IL1RL1: variants seen among roughly 807,000 people sequenced by gnomAD.
The protein encoded by IL1RL1 is interleukin-1 receptor-like 1.
In IL1RL1, 32 loss-of-function variants were observed where a neutral mutation model predicts 50.9. That is an observed-to-expected ratio of 0.63 (90% confidence interval 0.47 to 0.84). The LOEUF is 0.84. Among genes scored for constraint, IL1RL1 ranks in the 40% least tolerant of loss-of-function variants. The pLI, the probability that IL1RL1 is intolerant of heterozygous loss-of-function variation, is 0.00. For missense variants in IL1RL1, 773 were observed against 662.9 expected (o/e 1.17, Z -1.82); for synonymous variants, 275 against 236.0 (o/e 1.17, Z -1.51).
intron 1 of IL1RL1, among the ~76,000 whole-genome samples, chr2:102,324,897 C>G (rs1165221333): frequency 6.6e-6 from 1 of 152,216 alleles, no homozygotes; most frequent in East Asian, 1.9e-4. Flanking sequence ...AGGAGGCCTG[C>G]CTGCCTCTGT....
chr2:102,333,998 G>A (rs1013231171), intron 1 of IL1RL1, among the ~76,000 whole-genome samples: 10 of 152,160 alleles, frequency 6.6e-5, no homozygotes, highest in African/African-American at 2.4e-4. Context: ...GGACACTTGA[G>A]TTGGTTCCAT....
chr2:102,325,490 A>C (rs1426254772), intron 1 of IL1RL1, among the ~76,000 whole-genome samples: 1 of 152,168 alleles, frequency 6.6e-6, no homozygotes, highest in Non-Finnish European at 1.5e-5. Context: ...CAATGGAACA[A>C]AGCTGGATGG....
At chr2:102,342,967 A>T (rs1677627877) in intron 6 of IL1RL1, 69 bp from the exon 7 acceptor site, 10 of 1,473,162 alleles carry the variant, frequency 6.8e-6, no homozygotes, top group Admixed American at 4.0e-5. Context: ...TTTTTTTTTT[A>T]CATTAAATGG....
At chr2:102,311,755 A>G (rs1676478628) in intron 1 of IL1RL1, 132 bp downstream of exon 1, 1 of 122,256 alleles carries the variant, frequency 8.2e-6, no homozygotes, top group Middle Eastern at 3.8e-3. Context: ...TTATAATAAT[A>G]TATAATATAT....
At chr2:102,332,139 G>A (rs1677194467) in intron 1 of IL1RL1, among the ~76,000 whole-genome samples, 1 of 152,140 alleles carries the variant, frequency 6.6e-6, no homozygotes, top group Admixed American at 6.6e-5. Context: ...AGGCACATGA[G>A]CTATATCAAT....
chr2:102,314,398 G>A (rs1025581338), intron 1 of IL1RL1, among the ~76,000 whole-genome samples: 6 of 152,202 alleles, frequency 3.9e-5, no homozygotes, highest in African/African-American at 1.4e-4. Flanking sequence ...CTGGAGTTGG[G>A]TGTGTCTGAG....
rs553618200 is a variant in IL1RL1 at position 102,340,769 on chromosome 2, T to C, written c.551T>C (p.Ile184Thr). 81 of 1,591,954 alleles carry C rather than the reference T, an allele frequency of 5.1e-5. No homozygotes were observed. Among genetic ancestry groups the C allele is most frequent in the East Asian group, 1.8e-4 (8 of 43,346 alleles). ...GCAGGTGATTACACCTGTAAATTTA[T>C]ACACAATGAAAATGGAGCCAATTAT... ...EDAGDYTCKF[I>T]HNENGANYSV... Residue 184 changes from isoleucine (I) to threonine (T), a missense_variant, in exon 5 of 11, where the codon ATA becomes ACA. Transcript: ENST00000233954.
In IL1RL1 at chr2:102,349,313, T is replaced by C. The variant is rs1455498236; in HGVS notation, c.1285+67T>C. ...ATTAAAGGCTGTGAACTAGGTGGCC[T>C]TATCCCTGCATTGGATAATGAATTG... On this transcript the variant is annotated intron_variant, in intron 10 of 10. Coordinates refer to ENST00000233954, the MANE Select transcript of IL1RL1 (RefSeq NM_016232.5). 6.9e-6 allele frequency: 9 copies of C among 1,312,900 alleles called. No individual in the cohort carries two copies. In the African/African-American group the frequency reaches 1.2e-4, roughly 17 times the overall value. The allele number at this position is 1,312,900 out of a possible 1,614,324, so 81.3% of individuals were successfully genotyped here.
At chr2:102,332,602 A>T (rs976286437) in intron 1 of IL1RL1, among the ~76,000 whole-genome samples, 5 of 152,236 alleles carry the variant, frequency 3.3e-5, no homozygotes, top group Admixed American at 2.0e-4. Context: ...TTCAGAATAG[A>T]TAAACCCATA....
At chr2:102,347,836 TA>T (rs1229473064) in intron 8 of IL1RL1, 108 bp from the exon 9 acceptor site, 1 of 646,080 alleles carries the variant, frequency 1.5e-6, no homozygotes, top group Non-Finnish European at 2.7e-6. Flanking sequence ...TCCCAGTGGG[TA>T]TATCTTATGT....
At chr2:102,324,552 G>A (rs1466686648) in intron 1 of IL1RL1, among the ~76,000 whole-genome samples, 4 of 152,218 alleles carry the variant, frequency 2.6e-5, no homozygotes, top group African/African-American at 9.6e-5. Context: ...GCAGGGCGAG[G>A]CATCGCTTCA....
intron 1 of IL1RL1, among the ~76,000 whole-genome samples, chr2:102,336,123 G>T (rs1440569303): frequency 6.6e-6 from 1 of 152,164 alleles, no homozygotes; most frequent in Non-Finnish European, 1.5e-5. Context: ...AAAACGTACT[G>T]ATAACTCTCC....
At chr2:102,311,897 T>TATTATATAATATAATATATAATATAA (rs1676492513) in intron 1 of IL1RL1, among the ~76,000 whole-genome samples, 3 of 49,872 alleles carry the variant, frequency 6.0e-5, no homozygotes, top group African/African-American at 2.2e-4. Context: ...ATATAATATA[T>TATTATATAATATAATATATAATATAA]CATATATGTT....
rs1160690174 is a variant in IL1RL1, at chr2:102,340,231, A to G, written c.406A>G (p.Ile136Val). 1 of 1,605,616 alleles carries G rather than the reference A, an allele frequency of 6.2e-7. No homozygotes were observed. Among genetic ancestry groups the G allele is most frequent in the Non-Finnish European group, 8.5e-7 (1 of 1,178,076 alleles). ...EKNSKIYCPT[I>V]DLYNWTAPLE... ...AAATTCCAAAATTTATTGTCCTACC[A>G]TTGACCTCTACAACTGGACAGCACC... The change falls in exon 4 of 11, where the codon ATT (isoleucine) becomes GTT (valine). Residue 136 changes from isoleucine to valine, a missense_variant. Transcript: ENST00000233954.
chr2:102,321,297 C>G (rs979395271), intron 1 of IL1RL1, among the ~76,000 whole-genome samples: 2 of 152,158 alleles, frequency 1.3e-5, no homozygotes, highest in African/African-American at 2.4e-5. Flanking sequence ...ATGAATTCCA[C>G]AAGGGCAGGA....
chr2:102,317,808 T>C (rs1421878731), intron 1 of IL1RL1, among the ~76,000 whole-genome samples: 1 of 151,940 alleles, frequency 6.6e-6, no homozygotes, highest in African/African-American at 2.4e-5. Flanking sequence ...AGCACAGGGT[T>C]AGTTGGTCAA....
At chr2:102,342,726 G>A (rs1249587221) in intron 6 of IL1RL1, among the ~76,000 whole-genome samples, 1 of 152,164 alleles carries the variant, frequency 6.6e-6, no homozygotes, top group Non-Finnish European at 1.5e-5. Context: ...CTAGTAGAGG[G>A]CAATCCTTTT....
At position 102,340,148 on chromosome 2, in the gene IL1RL1, A is replaced by G; in HGVS notation, c.323A>G (p.Gln108Arg). 3.1e-6 allele frequency: 5 copies of G among 1,588,232 alleles called. No individual in the cohort carries two copies. Among genetic ancestry groups the G allele is most frequent in the Non-Finnish European group, 3.4e-6 (4 of 1,167,568 alleles). Residue 108 changes from glutamine (Q) to arginine (R), a missense_variant, in exon 4 of 11, where the codon CAA becomes CGA. By Grantham distance (43) the Gln-to-Arg change is conservative (BLOSUM62 1). Coordinates refer to ENST00000233954, the MANE Select transcript of IL1RL1 (RefSeq NM_016232.5). ...GYANVTIYKKQSDCNVPDYLM... is the reference protein window; with the variant it reads ...GYANVTIYKKRSDCNVPDYLM... ...GCGAATGTCACCATATATAAAAAAC[A>G]ATCAGATTGCAATGTTCCAGATTAT...
chr2:102,315,173 C>T lies in IL1RL1; in HGVS notation c.-150+3550C>T, dbSNP rs528391069. ...GTAATGGGGCCTCTGCCCTCTCAGC[C>T]CCACTGCCACCCAACTGAGGCTTCC... On this transcript the variant is annotated intron_variant, in intron 1 of 10. Transcript: ENST00000233954. Among the ~76,000 whole-genome samples, 10 of 152,222 alleles carry T rather than the reference C, an allele frequency of 6.6e-5. No individual in the cohort carries two copies. The South Asian group carries it at 1.9e-3, about 28-fold the overall frequency.
Sources: gnomAD v4.1 joint callset for allele counts (sites outside exome capture counted in the v4.1 genomes callset) on GRCh38, gnomAD v4.1.1 for gene constraint, MANE v1.5 for transcripts, NCBI Gene and HGNC (gene_info 2026-07-23, HGNC 2026-07-21) for gene names.